The following DGKB variants were observed in gnomAD, a reference collection of about 807,000 sequenced individuals.
DGKB encodes the protein 90 kDa diacylglycerol kinase.
DGKB carries 67 observed loss-of-function variants against 114.3 expected under a neutral mutation model. The ratio of observed to expected loss-of-function variants is 0.59; its 90% CI spans 0.48 to 0.72. DGKB has a LOEUF of 0.72. DGKB is among the 30% of genes least tolerant of loss of function. The probability of loss-of-function intolerance (pLI) is 0.00; values close to 1 mark genes in which losing one functional copy is unlikely to be tolerated. For synonymous variants in DGKB, 398 were observed against 323.1 expected (o/e 1.23, Z -2.49); for missense variants, 907 against 975.2 (o/e 0.93, Z 0.93).
intron 1 of DGKB, among the ~76,000 whole-genome samples, chr7:14,954,469 G>T (rs1786386271): frequency 6.6e-6 from 1 of 152,062 alleles, no homozygotes; most frequent in African/African-American, 2.4e-5. Flanking sequence ...GATTTCAGCA[G>T]TATAGTGATT....
intron 23 of DGKB, among the ~76,000 whole-genome samples, chr7:14,318,541 C>T (rs2128525401): frequency 6.6e-6 from 1 of 152,286 alleles, no homozygotes; most frequent in Non-Finnish European, 1.5e-5. Context: ...AAAAAATGCT[C>T]ACCATCACTG....
chr7:14,375,493 A>G lies in DGKB; in HGVS notation c.1836-30102T>C, dbSNP rs544890361. 7.2e-5 allele frequency among the ~76,000 whole-genome samples: 11 copies of G among 152,354 alleles called. No individual in the cohort carries two copies. In the South Asian group the frequency reaches 2.3e-3, roughly 32 times the overall value. On this transcript the variant is annotated intron_variant, in intron 21 of 25. Coordinates refer to ENST00000402815, the MANE Select transcript of DGKB (RefSeq NM_001350709.2). ...GACAAAATCACAATTCAGAGAGAAT[A>G]AAGTATTCATTTCAGATCAGGTATT...
intron 21 of DGKB, among the ~76,000 whole-genome samples, chr7:14,379,782 T>A (rs916624825): frequency 6.6e-6 from 1 of 152,126 alleles, no homozygotes; most frequent in African/African-American, 2.4e-5. Context: ...ATGGTCTTGA[T>A]CTCCTGACCT....
chr7:14,446,326 A>T (rs978005389), intron 21 of DGKB, among the ~76,000 whole-genome samples: 2 of 152,128 alleles, frequency 1.3e-5, no homozygotes, highest in African/African-American at 4.8e-5. Flanking sequence ...CTCTTCTGAG[A>T]TCCTCATCAA....
chr7:14,729,261 T>C (rs1016752611), intron 5 of DGKB, among the ~76,000 whole-genome samples: 7 of 149,180 alleles, frequency 4.7e-5, no homozygotes, highest in African/African-American at 1.7e-4. Flanking sequence ...TAGCTGGGAC[T>C]ACAGGCGCCT....
intron 1 of DGKB, among the ~76,000 whole-genome samples, chr7:14,873,161 T>C (rs1163852826): frequency 6.6e-6 from 1 of 152,124 alleles, no homozygotes; most frequent in Non-Finnish European, 1.5e-5. Context: ...TCGTTAAACT[T>C]CTCAGGAATA....
chr7:14,628,773 G>A (rs1308971903), intron 14 of DGKB, among the ~76,000 whole-genome samples: 2 of 151,716 alleles, frequency 1.3e-5, no homozygotes, highest in East Asian at 3.9e-4. Flanking sequence ...TCCATGCATG[G>A]GCTTAAGGAA....
chr7:14,547,587 C>G (rs1794483481), intron 20 of DGKB, among the ~76,000 whole-genome samples: 1 of 152,086 alleles, frequency 6.6e-6, no homozygotes, highest in Non-Finnish European at 1.5e-5. Context: ...GCTGTTCTGA[C>G]CCTGTTGCAG....
At position 14,739,885 on chromosome 7, in the gene DGKB, A is replaced by C. The variant is rs566471199; in HGVS notation, c.169-3691T>G. Among the ~76,000 whole-genome samples the C allele has an allele frequency of 5.9e-5, 9 of 152,228 alleles. No individual in the cohort carries two copies. In the South Asian group the frequency reaches 1.2e-3, roughly 21 times the overall value. ...ATCAGGAGTGTTCCACCCCAACCCC[A>C]ACTGCTGCCACATAGGATAGATGCG... On this transcript the variant is annotated intron_variant, in intron 4 of 25. Transcript: ENST00000402815.
chr7:14,177,142 A>G (rs1781874778), intron 24 of DGKB, among the ~76,000 whole-genome samples: 1 of 152,152 alleles, frequency 6.6e-6, no homozygotes, highest in South Asian at 2.1e-4. Context: ...TCTGGATGCC[A>G]AAAGAAAAAT....
At chr7:14,634,481 T>TACACACAC (rs34758174) in intron 13 of DGKB, among the ~76,000 whole-genome samples, 2,985 of 145,218 alleles carry the variant, frequency 0.021, 49 homozygotes, top group African/African-American at 0.05. Flanking sequence ...TACAAAGTGA[T>TACACACAC]ACACACACAC....
At chr7:14,164,649 A>G (rs1238726048) in intron 25 of DGKB, among the ~76,000 whole-genome samples, 1 of 152,204 alleles carries the variant, frequency 6.6e-6, no homozygotes. Flanking sequence ...ACTGTAAATG[A>G]TAATGAGGAA....
chr7:14,754,888 A>G (rs1023405661), intron 3 of DGKB, among the ~76,000 whole-genome samples: 11 of 152,196 alleles, frequency 7.2e-5, no homozygotes, highest in Admixed American at 3.3e-4. Context: ...TCTCCTTCCT[A>G]TCTAAGAGGA....
At chr7:14,262,541 T>C (rs937174657) in intron 23 of DGKB, among the ~76,000 whole-genome samples, 1 of 152,096 alleles carries the variant, frequency 6.6e-6, no homozygotes, top group African/African-American at 2.4e-5. Context: ...AGAAATAAAT[T>C]ATGCTGTTTA....
intron 13 of DGKB, among the ~76,000 whole-genome samples, chr7:14,632,218 A>T (rs570606253): frequency 6.6e-6 from 1 of 152,096 alleles, no homozygotes; most frequent in South Asian, 2.1e-4. Context: ...TAGACATTTG[A>T]ATATGGACAA....
intron 21 of DGKB, among the ~76,000 whole-genome samples, chr7:14,355,320 T>C (rs939132883): frequency 2.6e-5 from 4 of 152,224 alleles, no homozygotes; most frequent in African/African-American, 7.2e-5. Context: ...CTATGTTGAA[T>C]AGGAGTGGTG....
At chr7:14,755,638 A>G (rs1320182760) in intron 3 of DGKB, among the ~76,000 whole-genome samples, 1 of 152,108 alleles carries the variant, frequency 6.6e-6, no homozygotes, top group African/African-American at 2.4e-5. Flanking sequence ...TTGTAAGAGT[A>G]ATTTTTTATA....
At chr7:14,731,427 T>C (rs912994322) in intron 5 of DGKB, among the ~76,000 whole-genome samples, 1 of 152,256 alleles carries the variant, frequency 6.6e-6, no homozygotes, top group Non-Finnish European at 1.5e-5. Flanking sequence ...TGAGAAGACA[T>C]TTAGATAAAC....
At chr7:14,487,092 G>C (rs1783929970) in intron 20 of DGKB, among the ~76,000 whole-genome samples, 1 of 152,186 alleles carries the variant, frequency 6.6e-6, no homozygotes, top group African/African-American at 2.4e-5. Flanking sequence ...GGCAGAGTGT[G>C]TAGGGCTATT....
Sources: gnomAD v4.1 joint callset for allele counts (sites outside exome capture counted in the v4.1 genomes callset) on GRCh38, gnomAD v4.1.1 for gene constraint, MANE v1.5 for transcripts, NCBI Gene and HGNC (gene_info 2026-07-23, HGNC 2026-07-21) for gene names.